SLC7A7: variants seen among roughly 807,000 people sequenced by gnomAD.
The protein encoded by SLC7A7 is solute carrier family 7 member 7.
In SLC7A7, 39 loss-of-function variants were observed where a neutral mutation model predicts 47.9. The ratio of observed to expected loss-of-function variants is 0.81; its 90% confidence interval spans 0.63 to 1.06. The LOEUF is 1.06. Among genes scored for constraint, SLC7A7 ranks in the 50% least tolerant of loss-of-function variants. SLC7A7 has a pLI of 0.00. For synonymous variants in SLC7A7, 234 were observed against 242.8 expected, an observed-to-expected ratio of 0.96 and a Z score of 0.34; for missense variants, 588 against 632.0, an observed-to-expected ratio of 0.93 and a Z score of 0.75.
intron 2 of SLC7A7, among the ~76,000 whole-genome samples, chr14:22,786,776 A>AT (rs1261941287): frequency 6.6e-6 from 1 of 151,798 alleles, no homozygotes. Context: ...TCCACAAAAC[A>AT]TTTTTTTTAG....
chr14:22,787,359 C>G (rs559372954), intron 2 of SLC7A7, among the ~76,000 whole-genome samples: 24 of 152,014 alleles, frequency 1.6e-4, no homozygotes, highest in Middle Eastern at 6.8e-3. Context: ...TCGCTTGAAC[C>G]CAGGAGGCGG....
chr14:22,774,688 T>C (rs1372945212), intron 7 of SLC7A7, among the ~76,000 whole-genome samples, 185 bp from the exon 8 acceptor site: 1 of 152,184 alleles, frequency 6.6e-6, no homozygotes, highest in African/African-American at 2.4e-5. Context: ...GTCAGTAGTC[T>C]CAACTGGCTT....
chr14:22,779,009 G>C (rs756586760), intron 3 of SLC7A7, 72 bp from the exon 4 acceptor site: 78 of 1,586,682 alleles, frequency 4.9e-5, no homozygotes, highest in Non-Finnish European at 6.4e-5. Context: ...TCAAGTAAAG[G>C]ACTGACAGAA....
chr14:22,817,595 C>T (rs1241565816), upstream of SLC7A7, among the ~76,000 whole-genome samples: 1 of 152,202 alleles, frequency 6.6e-6, no homozygotes, highest in African/African-American at 2.4e-5. Flanking sequence ...CCCACCTCGG[C>T]CTCCCAAAGT....
rs775214548 is a variant in SLC7A7, at chr14:22,773,729, C to CT, written c.1430-14dup. On this transcript the variant is annotated splice_polypyrimidine_tract_variant and intron_variant, in intron 9 of 9. Coordinates refer to ENST00000674313, the MANE Select transcript of SLC7A7 (RefSeq NM_003982.4). ...CTTGTGGCAGACCCTACAAAGAGAACTTTGAGTTGGAATTGAGAAGAGGTC... is the reference window on the plus strand; with the variant it reads ...CTTGTGGCAGACCCTACAAAGAGAACTTTTGAGTTGGAATTGAGAAGAGGTC... The CT allele has an allele frequency of 3.7e-6, 6 of 1,613,422 alleles. No individual in the cohort carries two copies. In the Admixed American group the frequency reaches 6.7e-5, roughly 18 times the overall value.
rs2038521577 is a variant in SLC7A7, at chr14:22,773,621, T to C, written c.1525A>G (p.Lys509Glu). Residue 509 changes from lysine (K) to glutamate (E), a missense_variant, in exon 10 of 10, where the codon AAA (lysine) becomes GAA (glutamate). Transcript: ENST00000674313. Reference protein sequence around the residue: ...GGEMPKQRDPKSN With the variant: ...GGEMPKQRDPESN ...ATTCCAGATGGTGTTTAGTTAGATTTGGGATCCCGTTGCTTGGGCATCTCT... is the reference window on the plus strand; with the variant it reads ...ATTCCAGATGGTGTTTAGTTAGATTCGGGATCCCGTTGCTTGGGCATCTCT... 6.2e-7 allele frequency: 1 copy of C among 1,613,786 alleles called. No individual in the cohort carries two copies. Among genetic ancestry groups the C allele is most frequent in the Admixed American group, 1.7e-5 (1 of 59,998 alleles).
chr14:22,804,805 C>T (rs1289778591), intron 2 of SLC7A7, among the ~76,000 whole-genome samples: 1 of 151,824 alleles, frequency 6.6e-6, no homozygotes, highest in African/African-American at 2.4e-5. Context: ...CCAGCCTGAC[C>T]AACATGGAGA....
chr14:22,818,340 T>G (rs942148982), upstream of SLC7A7, among the ~76,000 whole-genome samples: 1 of 152,098 alleles, frequency 6.6e-6, no homozygotes, highest in African/African-American at 2.4e-5. Context: ...TACTTCAGTC[T>G]GCCCGTGCGC....
At chr14:22,798,751 C>T (rs1186143567) in intron 2 of SLC7A7, among the ~76,000 whole-genome samples, 1 of 152,184 alleles carries the variant, frequency 6.6e-6, no homozygotes, top group African/African-American at 2.4e-5. Flanking sequence ...CTTCCTCTTT[C>T]ACCCTGCAAA....
intron 2 of SLC7A7, among the ~76,000 whole-genome samples, chr14:22,798,254 G>A (rs568685622): frequency 3.3e-5 from 5 of 152,022 alleles, no homozygotes; most frequent in South Asian, 4.2e-4. Flanking sequence ...CTGAGATTAC[G>A]CCACTGCACT....
At chr14:22,789,720 G>A (rs2038891606) in intron 2 of SLC7A7, among the ~76,000 whole-genome samples, 1 of 152,052 alleles carries the variant, frequency 6.6e-6, no homozygotes, top group African/African-American at 2.4e-5. Context: ...TTCTCTGGGT[G>A]GGCCCAATGT....
In SLC7A7 at chr14:22,774,365, G is replaced by A. The variant is rs762108987; in HGVS notation, c.1234C>T (p.Arg412Cys). The A allele has an allele frequency of 1.3e-5, 21 of 1,613,986 alleles. No individual in the cohort carries two copies. The highest frequency in any genetic ancestry group is 1.6e-4 in the Middle Eastern group (1 of 6,078). Residue 412 changes from arginine to cysteine, a missense_variant, in exon 8 of 10, where the codon CGT becomes TGT. Coordinates refer to ENST00000674313, the MANE Select transcript of SLC7A7 (RefSeq NM_003982.4). ...TGGAGTTGCCTTACCTTGAGGGGAC[G>A]AGGTCGATCAGGCTCCTTCCAGCGC... Reference protein sequence around the residue: ...YLRWKEPDRPRPLKLSVFFPI... With the variant: ...YLRWKEPDRPCPLKLSVFFPI...
At chr14:22,812,310 G>T (rs2039323133) in intron 2 of SLC7A7, among the ~76,000 whole-genome samples, 1 of 151,934 alleles carries the variant, frequency 6.6e-6, no homozygotes, top group African/African-American at 2.4e-5. Context: ...GGGATTACAG[G>T]CACCTGCCAC....
At chr14:22,774,596 C>A in intron 7 of SLC7A7, 93 bp from the exon 8 acceptor site, 1 of 1,541,076 alleles carries the variant, frequency 6.5e-7, no homozygotes, top group Non-Finnish European at 8.9e-7. Context: ...CATCCCCTGT[C>A]AATCCTCAAA....
upstream of SLC7A7, among the ~76,000 whole-genome samples, chr14:22,817,101 C>A (rs1224091117): frequency 1.3e-5 from 2 of 151,066 alleles, no homozygotes; most frequent in Non-Finnish European, 1.5e-5. Flanking sequence ...ATCCCCCTGG[C>A]CTGCCTTAGT....
chr14:22,817,476 A>C (rs1254410430), upstream of SLC7A7, among the ~76,000 whole-genome samples: 1 of 152,126 alleles, frequency 6.6e-6, no homozygotes, highest in East Asian at 1.9e-4. Flanking sequence ...AGTAGCTGGG[A>C]TTACAGGTGC....
At chr14:22,776,009 G>C (rs2038597794) in intron 5 of SLC7A7, 73 bp from the exon 6 acceptor site, 2 of 1,428,858 alleles carry the variant, frequency 1.4e-6, no homozygotes, top group African/African-American at 1.4e-5. Flanking sequence ...CATGCCCCCA[G>C]ATTCCCCTTA....
upstream of SLC7A7, among the ~76,000 whole-genome samples, chr14:22,817,701 T>A (rs1744743348): frequency 6.6e-6 from 1 of 152,248 alleles, no homozygotes; most frequent in African/African-American, 2.4e-5. Flanking sequence ...GGTCTTGAAC[T>A]CCTGGCCTCA....
intron 2 of SLC7A7, 101 bp downstream of exon 2, chr14:22,812,799 A>C: frequency 8.3e-6 from 8 of 962,192 alleles, no homozygotes; most frequent in African/African-American, 1.7e-5. Flanking sequence ...ATATGTTGTC[A>C]GAGACATTCC....
Sources: allele counts gnomAD v4.1 joint callset (sites outside exome capture counted in the v4.1 genomes callset), GRCh38; gene constraint gnomAD v4.1.1; transcripts MANE v1.5; gene names NCBI Gene and HGNC (gene_info 2026-07-23, HGNC 2026-07-21).